ZBTB34: variants seen among roughly 807,000 people sequenced by gnomAD.
ZBTB34 encodes zinc finger and BTB domain containing 34.
ZBTB34 carries 1 observed loss-of-function variant against 33.4 expected under a neutral mutation model. The observed-to-expected ratio is 0.03, with a 90% CI of 0.01 to 0.14. The LOEUF (loss-of-function observed/expected upper bound fraction) is 0.14. Among genes scored for constraint, ZBTB34 ranks in the 10% least tolerant of loss-of-function variants. The pLI, the probability that ZBTB34 is intolerant of heterozygous loss-of-function variation, is 1.00. For missense variants in ZBTB34, 406 were observed against 657.2 expected (o/e 0.62, Z 4.18); for synonymous variants, 283 against 253.5 (o/e 1.12, Z -1.11).
chr9:126,880,259 A>T lies in ZBTB34; in HGVS notation c.860A>T (p.Tyr287Phe), dbSNP rs1564226344. The T allele has an allele frequency of 6.2e-7, 1 of 1,613,744 alleles. No homozygotes were observed. The highest frequency in any genetic ancestry group is 2.2e-5 in the East Asian group (1 of 44,866). The change falls in exon 2 of 2, where the codon TAC becomes TTC. Residue 287 changes from tyrosine to phenylalanine, a missense_variant. Transcript: ENST00000319119. The surrounding 1 kb of genome is among the most constrained non-coding windows in gnomAD (Gnocchi z 6.7). ...TATGGTTCTGTGCTCCAGCACGCAT[A>T]CTCCTATTCCCAAGCAGCCTCACAG...
chr9:126,879,542 G>A lies in ZBTB34; in HGVS notation c.143G>A (p.Arg48Gln), dbSNP rs763340387. The A allele has an allele frequency of 4.3e-6, 7 of 1,613,762 alleles. No individual in the cohort carries two copies. The highest frequency in any genetic ancestry group is 5.9e-6 in the Non-Finnish European group (7 of 1,179,894). The change falls in exon 2 of 2, where the codon CGA (arginine) becomes CAA (glutamine). Residue 48 changes from arginine to glutamine, a missense_variant. Around this residue, in one of 6 missense-constraint regions of ZBTB34, gnomAD observed 50 missense variants for 157.9 expected, o/e 0.32. Coordinates refer to ENST00000319119, the Ensembl canonical transcript of ZBTB34. The surrounding 1 kb of genome is among the most constrained non-coding windows in gnomAD (Gnocchi z 6.4). ...GTACACATTCAGGGTCAGCCATTCCGAGCCCACAAAGCAGTCCTTGCTGCC... is the reference window on the plus strand; with the variant it reads ...GTACACATTCAGGGTCAGCCATTCCAAGCCCACAAAGCAGTCCTTGCTGCC...
chr9:126,882,105 C>CT (rs2033450547), exon 2 of ZBTB34: 1 of 167,024 alleles, frequency 6.0e-6, no homozygotes, highest in Non-Finnish European at 1.5e-5. Context: ...AGCAATATAT[C>CT]TATCTTAGTA....
intron 1 of ZBTB34, among the ~76,000 whole-genome samples, chr9:126,863,422 C>A (rs541581934): frequency 6.6e-6 from 1 of 152,316 alleles, no homozygotes; most frequent in South Asian, 2.1e-4. Context: ...TTTTGGATTT[C>A]TGCACCGCTG....
At chr9:126,871,452 T>G (rs111320674) in intron 1 of ZBTB34, among the ~76,000 whole-genome samples, 7,183 of 145,916 alleles carry the variant, frequency 0.049, 566 homozygotes, top group African/African-American at 0.17. Context: ...AACCTCCCCC[T>G]CCCAGGTTCA....
At chr9:126,878,573 C>A (rs780498676) in intron 1 of ZBTB34, among the ~76,000 whole-genome samples, 10 of 151,964 alleles carry the variant, frequency 6.6e-5, no homozygotes, top group Non-Finnish European at 1.2e-4. Context: ...GTGTACAGAG[C>A]TGAAGGGCAA....
intron 1 of ZBTB34, among the ~76,000 whole-genome samples, chr9:126,872,174 C>A (rs967687652): frequency 2.0e-5 from 3 of 152,044 alleles, no homozygotes; most frequent in African/African-American, 7.2e-5. Context: ...TGGTCTCGAC[C>A]TCCCAACCTG....
chr9:126,874,036 CTT>C (rs781115278), intron 1 of ZBTB34, among the ~76,000 whole-genome samples: 2 of 66,070 alleles, frequency 3.0e-5, no homozygotes, highest in Non-Finnish European at 5.5e-5. Flanking sequence ...TGTGTATGTT[CTT>C]TTTTTTTTTT....
At chr9:126,866,931 A>C in intron 1 of ZBTB34, among the ~76,000 whole-genome samples, 1 of 152,322 alleles carries the variant, frequency 6.6e-6, no homozygotes, top group East Asian at 1.9e-4. Context: ...CAAGCAACGT[A>C]ATATAATTCC....
rs548580290 is a variant in ZBTB34, at chr9:126,872,170, C to T, written c.-10-7220C>T. On this transcript the variant is annotated intron_variant, in intron 1 of 1. Transcript: ENST00000319119. ...TTTGCCATGTTGGCCAGGCTGGTCT[C>T]GACCTCCCAACCTGAGGTGCTCCAC... is the stretch of plus-strand genomic sequence containing the variant. Among the ~76,000 whole-genome samples, 13 of 152,128 alleles carry T rather than the reference C, an allele frequency of 8.5e-5. No individual in the cohort carries two copies. In the East Asian group the frequency reaches 1.6e-3, roughly 18 times the overall value.
chr9:126,874,248 C>T (rs113410030), intron 1 of ZBTB34, among the ~76,000 whole-genome samples: 2,703 of 148,650 alleles, frequency 0.018, 87 homozygotes, highest in African/African-American at 0.064. Flanking sequence ...GATGGGGTTT[C>T]ACCGTGTTCG....
At chr9:126,875,259 AATTT>A (rs1379418055) in intron 1 of ZBTB34, among the ~76,000 whole-genome samples, 1 of 152,080 alleles carries the variant, frequency 6.6e-6, no homozygotes, top group Non-Finnish European at 1.5e-5. Context: ...ATATTACTAC[AATTT>A]ATTTTTTTAA....
rs201410093 is a variant in ZBTB34, at chr9:126,880,152, C to T, written c.753C>T (p.Ser251=). Residue 251 remains serine (S), a synonymous_variant, in exon 2 of 2, where the codon TCC becomes TCT. Transcript: ENST00000319119. This position sits in a 1 kb window ranked among gnomAD's most constrained non-coding sequence, Gnocchi z 6.7. ...AGAAGTCCGACCGGCCCAGCTGTTC[C>T]GACAGCTCCTCCCTGGGTGACGATG... 9.9e-6 allele frequency: 16 copies of T among 1,613,738 alleles called. No homozygotes were observed. The highest frequency in any genetic ancestry group is 5.3e-5 in the African/African-American group (4 of 75,028).
intron 1 of ZBTB34, among the ~76,000 whole-genome samples, chr9:126,877,331 T>C (rs2033375882): frequency 6.6e-6 from 1 of 152,220 alleles, no homozygotes; most frequent in South Asian, 2.1e-4. Context: ...GTCCATCTCT[T>C]TTTTGGAGAT....
In ZBTB34 at chr9:126,880,789, C is replaced by T. The variant is rs1162823742; in HGVS notation, c.1390C>T (p.Arg464Cys). 5 of 1,613,548 alleles carry T rather than the reference C, an allele frequency of 3.1e-6. No homozygotes were observed. Among genetic ancestry groups the T allele is most frequent in the African/African-American group, 1.3e-5 (1 of 74,880 alleles). ...CCCAGGCGTTGCTGAAGTCAGGAGT[C>T]GCATTGAGTCCCCCGAGAGAACAGA... is the stretch of plus-strand genomic sequence containing the variant. The change falls in exon 2 of 2, where the codon CGC becomes TGC. Residue 464 changes from arginine to cysteine, a missense_variant. Transcript: ENST00000319119. The surrounding 1 kb of genome is among the most constrained non-coding windows in gnomAD (Gnocchi z 6.7).
chr9:126,885,025 T>A (rs1422842224), exon 2 of ZBTB34: 1 of 167,088 alleles, frequency 6.0e-6, no homozygotes, highest in African/African-American at 2.4e-5. Flanking sequence ...GTAAATTCTT[T>A]ATATGAAACT....
intron 1 of ZBTB34, among the ~76,000 whole-genome samples, chr9:126,873,399 G>T (rs1289742041): frequency 6.6e-6 from 1 of 151,958 alleles, no homozygotes; most frequent in East Asian, 1.9e-4. Flanking sequence ...GAGTACCTGG[G>T]ACTACAGGCG....
exon 2 of ZBTB34, chr9:126,882,835 C>T (rs2033462206): frequency 6.0e-6 from 1 of 166,954 alleles, no homozygotes; most frequent in African/African-American, 2.4e-5. Context: ...CATTCAAGCC[C>T]TTTGTGTGTA....
At chr9:126,878,498 T>G (rs2033391992) in intron 1 of ZBTB34, among the ~76,000 whole-genome samples, 1 of 151,604 alleles carries the variant, frequency 6.6e-6, no homozygotes, top group South Asian at 2.1e-4. Context: ...TAATAACTCT[T>G]CACTGAAGGA....
rs773703767 is a variant in ZBTB34, at chr9:126,879,015, C to T, written c.-10-375C>T. Among the ~76,000 whole-genome samples the T allele has an allele frequency of 2.8e-4, 43 of 152,148 alleles. No homozygotes were observed. The highest frequency in any genetic ancestry group is 6.5e-5 in the Admixed American group (1 of 15,276). ...CTGGGATTATAGGTGTAAGCCACTGCGCCTGGCCTGAATTTAGTTATTTTT... is the reference window on the plus strand; with the variant it reads ...CTGGGATTATAGGTGTAAGCCACTGTGCCTGGCCTGAATTTAGTTATTTTT... On this transcript the variant is annotated intron_variant, in intron 1 of 1. Coordinates refer to ENST00000319119, the Ensembl canonical transcript of ZBTB34. This position sits in a 1 kb window ranked among gnomAD's most constrained non-coding sequence, Gnocchi z 6.4.
Sources: gnomAD v4.1 joint callset for allele counts (sites outside exome capture counted in the v4.1 genomes callset) on GRCh38, gnomAD v4.1.1 for gene constraint, gnomAD v4.1.1 regional missense constraint, Gnocchi (gnomAD v3.1) non-coding constraint, MANE v1.5 for transcripts, NCBI Gene and HGNC (gene_info 2026-07-23, HGNC 2026-07-21) for gene names.